ADAMTSL3: variants seen among roughly 807,000 people sequenced by gnomAD.
ADAMTSL3 encodes ADAMTS like 3, also known as ADAMTS-like protein 3.
Under a neutral mutation model 201.7 loss-of-function variants are expected in ADAMTSL3, and 128 were observed. The ratio of observed to expected loss-of-function variants is 0.63; its 90% confidence interval spans 0.55 to 0.73. The LOEUF (loss-of-function observed/expected upper bound fraction) is 0.73, where lower values mean the gene tolerates loss of function less well. Ranked by LOEUF, ADAMTSL3 falls within the 30% of genes least tolerant of loss-of-function variation. ADAMTSL3 has a pLI of 0.00. For missense variants in ADAMTSL3, 1,990 were observed against 2,119.6 expected, an observed-to-expected ratio of 0.94 and a Z score of 1.20; for synonymous variants, 738 against 748.4, an observed-to-expected ratio of 0.99 and a Z score of 0.23.
chr15:83,666,948 A>G (rs2061255634), intron 2 of ADAMTSL3, among the ~76,000 whole-genome samples: 1 of 152,030 alleles, frequency 6.6e-6, no homozygotes, highest in Non-Finnish European at 1.5e-5. Context: ...CTCCTCATAT[A>G]CAAAGAGTAT....
intron 2 of ADAMTSL3, among the ~76,000 whole-genome samples, chr15:83,681,499 C>A (rs72761828): frequency 0.29 from 44,171 of 152,064 alleles, 6,703 homozygotes; most frequent in South Asian, 0.49. Context: ...TGCTTTTGTG[C>A]CCTAGAAATT....
intron 6 of ADAMTSL3, among the ~76,000 whole-genome samples, chr15:83,820,438 C>CA (rs1356454922): frequency 6.6e-6 from 1 of 152,136 alleles, no homozygotes; most frequent in Non-Finnish European, 1.5e-5. Context: ...CTTGTGATAA[C>CA]AGAGTGTTGG....
chr15:84,019,437 A>C (rs1326935788), intron 25 of ADAMTSL3, among the ~76,000 whole-genome samples: 2 of 152,234 alleles, frequency 1.3e-5, no homozygotes, highest in Non-Finnish European at 2.9e-5. Flanking sequence ...AGCTTTGTTC[A>C]TGAATGTTCA....
At position 83,983,050 on chromosome 15, in the gene ADAMTSL3, T is replaced by A. The variant is rs1174874415; in HGVS notation, c.3422T>A (p.Ile1141Asn). 4 of 1,613,920 alleles carry A rather than the reference T, an allele frequency of 2.5e-6. No homozygotes were observed. The South Asian group carries it at 3.3e-5, about 13-fold the overall frequency. The change falls in exon 21 of 30, where the codon ATC (isoleucine) becomes AAC (asparagine). Residue 1141 changes from isoleucine to asparagine, a missense_variant. Coordinates refer to ENST00000286744, the MANE Select transcript of ADAMTSL3 (RefSeq NM_207517.3). ...AQPTHMQWRGIQEETPPAAQL... is the reference protein window; with the variant it reads ...AQPTHMQWRGNQEETPPAAQL... ...CCAACACACATGCAGTGGCGGGGCA[T>A]CCAGGAAGAGACACCTCCTGCTGCT...
intron 4 of ADAMTSL3, among the ~76,000 whole-genome samples, chr15:83,783,193 A>G (rs1481064093): frequency 6.6e-6 from 1 of 151,744 alleles, no homozygotes; most frequent in Non-Finnish European, 1.5e-5. Flanking sequence ...TAGACAATTT[A>G]CCTTCAACTT....
chr15:83,848,120 C>A (rs1157760622), intron 7 of ADAMTSL3, among the ~76,000 whole-genome samples: 1 of 150,270 alleles, frequency 6.7e-6, no homozygotes. Context: ...GAAAAATACT[C>A]GACAGAAAAT....
intron 20 of ADAMTSL3, among the ~76,000 whole-genome samples, chr15:83,980,605 C>G (rs1163791434): frequency 6.6e-6 from 1 of 152,116 alleles, no homozygotes; most frequent in Non-Finnish European, 1.5e-5. Context: ...TCATCCAGCT[C>G]CACTTAGAGA....
At chr15:83,833,850 G>C (rs972367718) in intron 6 of ADAMTSL3, among the ~76,000 whole-genome samples, 3 of 152,194 alleles carry the variant, frequency 2.0e-5, no homozygotes, top group Non-Finnish European at 4.4e-5. Context: ...TCATTGTGAA[G>C]GGAGCAACTA....
intron 8 of ADAMTSL3, among the ~76,000 whole-genome samples, chr15:83,863,729 T>C (rs1414956527): frequency 6.6e-6 from 1 of 152,012 alleles, no homozygotes; most frequent in African/African-American, 2.4e-5. Flanking sequence ...GCAAACACAT[T>C]CAAAAGCTAG....
chr15:83,865,201 T>C (rs1380899347), intron 8 of ADAMTSL3, among the ~76,000 whole-genome samples: 3 of 152,196 alleles, frequency 2.0e-5, no homozygotes, highest in Non-Finnish European at 2.9e-5. Flanking sequence ...AGGTAATTTA[T>C]AGATTCAACG....
intron 2 of ADAMTSL3, among the ~76,000 whole-genome samples, chr15:83,658,200 G>T (rs1417957611): frequency 2.0e-5 from 3 of 152,124 alleles, no homozygotes; most frequent in Non-Finnish European, 4.4e-5. Flanking sequence ...ACCTCTGCTT[G>T]CTGGGTTCAA....
At chr15:83,961,174 A>C (rs2066962687) in intron 19 of ADAMTSL3, among the ~76,000 whole-genome samples, 1 of 152,172 alleles carries the variant, frequency 6.6e-6, no homozygotes, top group Non-Finnish European at 1.5e-5. Flanking sequence ...GCAAACACAA[A>C]ACTTACATTA....
At chr15:83,835,001 A>G (rs1164284046) in intron 6 of ADAMTSL3, among the ~76,000 whole-genome samples, 6 of 152,108 alleles carry the variant, frequency 3.9e-5, no homozygotes, top group Non-Finnish European at 2.9e-5. Flanking sequence ...TTGGGAGGCC[A>G]AGGCGGGCAG....
At chr15:83,693,265 T>C (rs927916921) in intron 2 of ADAMTSL3, among the ~76,000 whole-genome samples, 4 of 152,168 alleles carry the variant, frequency 2.6e-5, no homozygotes, top group African/African-American at 9.7e-5. Flanking sequence ...GGTGTGAGCA[T>C]TGTTGGGCTA....
intron 20 of ADAMTSL3, among the ~76,000 whole-genome samples, chr15:83,978,546 A>T (rs2067328548): frequency 6.6e-6 from 1 of 152,114 alleles, no homozygotes; most frequent in African/African-American, 2.4e-5. Flanking sequence ...CAGATGAGAG[A>T]GGAAGGTCAC....
chr15:83,904,336 C>A (rs557056408), intron 15 of ADAMTSL3, among the ~76,000 whole-genome samples: 2 of 152,212 alleles, frequency 1.3e-5, no homozygotes, highest in South Asian at 2.1e-4. Flanking sequence ...GATTTCCAAA[C>A]AAAACCGCAA....
rs149989920 is a variant in ADAMTSL3, at chr15:83,738,059, C to T, written c.189+33551C>T. On this transcript the variant is annotated intron_variant, in intron 3 of 29. Transcript: ENST00000286744. ...CAAGATGATTACCCAAGACTGTCTC[C>T]GAAATAATTAATCCAGAGTATACCT... is the stretch of plus-strand genomic sequence containing the variant. Among the ~76,000 whole-genome samples the T allele has an allele frequency of 6.6e-3, 1,006 of 152,094 alleles. 12 individuals carry two copies. The highest frequency in any genetic ancestry group is 0.023 in the African/African-American group (951 of 41,470).
At chr15:83,747,549 C>G (rs1321979924) in intron 3 of ADAMTSL3, among the ~76,000 whole-genome samples, 1 of 152,098 alleles carries the variant, frequency 6.6e-6, no homozygotes, top group Admixed American at 6.5e-5. Context: ...GTGGAAGTGA[C>G]CCTGTGCCCT....
intron 3 of ADAMTSL3, among the ~76,000 whole-genome samples, chr15:83,754,945 T>A (rs1243643841): frequency 6.6e-6 from 1 of 152,240 alleles, no homozygotes; most frequent in Admixed American, 6.5e-5. Context: ...ACAACTTTCT[T>A]CCATTCACCT....
Sources: gnomAD v4.1 joint callset for allele counts (sites outside exome capture counted in the v4.1 genomes callset) on GRCh38, gnomAD v4.1.1 for gene constraint, MANE v1.5 for transcripts, NCBI Gene and HGNC (gene_info 2026-07-23, HGNC 2026-07-21) for gene names.